The following TMCC1 variants were observed in gnomAD, a reference collection of about 807,000 sequenced individuals.
The protein encoded by TMCC1 is transmembrane and coiled-coil domains protein 1.
Under a neutral mutation model 52.4 loss-of-function variants are expected in TMCC1, and 15 were observed. The ratio of observed to expected loss-of-function variants is 0.29; its 90% CI spans 0.19 to 0.44. The LOEUF (loss-of-function observed/expected upper bound fraction) is 0.44, where lower values mean the gene tolerates loss of function less well. Among genes scored for constraint, TMCC1 ranks in the 20% least tolerant of loss-of-function variants. TMCC1 has a pLI of 1.00. For synonymous variants in TMCC1, 279 were observed against 301.9 expected, an observed-to-expected ratio of 0.92 and a Z score of 0.79; for missense variants, 503 against 806.0, an observed-to-expected ratio of 0.62 and a Z score of 4.55.
intron 4 of TMCC1, among the ~76,000 whole-genome samples, chr3:129,803,616 C>A (rs911876719): frequency 2.0e-5 from 3 of 152,104 alleles, no homozygotes; most frequent in Non-Finnish European, 4.4e-5. Flanking sequence ...CCTTTTCTTG[C>A]CTTTAGGCAT....
chr3:129,685,174 G>A (rs2089308159), intron 4 of TMCC1, among the ~76,000 whole-genome samples: 1 of 152,098 alleles, frequency 6.6e-6, no homozygotes, highest in African/African-American at 2.4e-5. Context: ...GAGGACAGGA[G>A]TTTAAGACCA....
chr3:129,801,207 G>A (rs979735743), intron 4 of TMCC1, among the ~76,000 whole-genome samples: 2 of 151,994 alleles, frequency 1.3e-5, no homozygotes, highest in African/African-American at 2.4e-5. Context: ...GATTACAGGC[G>A]TGAGCCACCA....
chr3:129,857,359 T>C (rs2060187168), intron 2 of TMCC1: 1 of 152,198 alleles, frequency 6.6e-6, no homozygotes, highest in Admixed American at 6.5e-5. Context: ...AGTCCAGTGA[T>C]GGCAGGCTGG....
At chr3:129,809,246 CAA>C (rs11418962) in intron 4 of TMCC1, among the ~76,000 whole-genome samples, 120 of 91,384 alleles carry the variant, frequency 1.3e-3, no homozygotes, top group African/African-American at 5.6e-3. Flanking sequence ...GATTCCATCT[CAA>C]AAAAAAAAAA....
chr3:129,705,299 T>C (rs775171832), intron 4 of TMCC1, among the ~76,000 whole-genome samples: 3 of 152,182 alleles, frequency 2.0e-5, no homozygotes, highest in Non-Finnish European at 4.4e-5. Context: ...TTGGCCACTA[T>C]GGCATCCATG....
chr3:129,759,754 T>C (rs1159342063), intron 4 of TMCC1, among the ~76,000 whole-genome samples: 2 of 131,680 alleles, frequency 1.5e-5, no homozygotes, highest in African/African-American at 5.8e-5. Flanking sequence ...CGGAGTGTCG[T>C]TCTGTCACCC....
chr3:129,758,755 T>A (rs1303327292), intron 4 of TMCC1, among the ~76,000 whole-genome samples: 1 of 152,218 alleles, frequency 6.6e-6, no homozygotes, highest in Admixed American at 6.5e-5. Flanking sequence ...TATATTCACA[T>A]TGTGCAAACA....
intron 4 of TMCC1, among the ~76,000 whole-genome samples, chr3:129,761,136 T>A (rs1452090485): frequency 4.9e-4 from 74 of 151,586 alleles, no homozygotes; most frequent in Non-Finnish European, 1.0e-4. Flanking sequence ...CCATCCTGGC[T>A]AACACGGTGA....
intron 2 of TMCC1, among the ~76,000 whole-genome samples, chr3:129,877,947 G>GTTTTTA (rs1234882638): frequency 1.4e-5 from 2 of 146,762 alleles, no homozygotes; most frequent in African/African-American, 2.5e-5. Context: ...TTTTTTTAAT[G>GTTTTTA]TTTTTATTTT....
At chr3:129,725,769 T>C (rs1440673853) in intron 4 of TMCC1, among the ~76,000 whole-genome samples, 1 of 152,126 alleles carries the variant, frequency 6.6e-6, no homozygotes, top group African/African-American at 2.4e-5. Flanking sequence ...CCCAGAATGG[T>C]GGTTATTACC....
intron 4 of TMCC1, among the ~76,000 whole-genome samples, chr3:129,682,189 G>T (rs1487966658): frequency 6.6e-6 from 1 of 152,030 alleles, no homozygotes; most frequent in Non-Finnish European, 1.5e-5. Flanking sequence ...GGCTATTCAT[G>T]GGCGTGATCA....
At chr3:129,876,781 C>T (rs1023241910) in intron 2 of TMCC1, among the ~76,000 whole-genome samples, 4 of 151,916 alleles carry the variant, frequency 2.6e-5, no homozygotes, top group Non-Finnish European at 5.9e-5. Flanking sequence ...GGTGAAACTC[C>T]GTCTCTACTA....
At chr3:129,684,375 T>C (rs1241040935) in intron 4 of TMCC1, among the ~76,000 whole-genome samples, 1 of 152,244 alleles carries the variant, frequency 6.6e-6, no homozygotes, top group East Asian at 1.9e-4. Context: ...ATAATTTGTT[T>C]ATGCATTTCT....
chr3:129,884,508 T>C (rs2061602891), intron 1 of TMCC1, among the ~76,000 whole-genome samples: 1 of 152,058 alleles, frequency 6.6e-6, no homozygotes, highest in African/African-American at 2.4e-5. Flanking sequence ...TCCAACATGC[T>C]TGTCTTCCAC....
chr3:129,859,487 A>C (rs1319912405), intron 2 of TMCC1, among the ~76,000 whole-genome samples: 1 of 151,942 alleles, frequency 6.6e-6, no homozygotes, highest in Admixed American at 6.6e-5. Flanking sequence ...GAATACAACA[A>C]TTAGGTGGGC....
chr3:129,842,622 T>C (rs571570787), intron 2 of TMCC1, among the ~76,000 whole-genome samples: 4 of 152,228 alleles, frequency 2.6e-5, no homozygotes, highest in Middle Eastern at 3.4e-3. Context: ...CAAGTACACA[T>C]AGGACATTCA....
At chr3:129,678,338 T>G (rs1019962647) in intron 4 of TMCC1, among the ~76,000 whole-genome samples, 6 of 150,024 alleles carry the variant, frequency 4.0e-5, no homozygotes, top group Non-Finnish European at 7.4e-5. Flanking sequence ...TCTAAACCCT[T>G]GGCATGTACA....
intron 5 of TMCC1, among the ~76,000 whole-genome samples, chr3:129,664,006 C>G (rs2087251270): frequency 6.6e-6 from 1 of 152,176 alleles, no homozygotes; most frequent in Non-Finnish European, 1.5e-5. Flanking sequence ...TTTGTCCACT[C>G]CAAGGAATAA....
At chr3:129,888,515 T>G (rs1259481596) in intron 1 of TMCC1, among the ~76,000 whole-genome samples, 3 of 151,894 alleles carry the variant, frequency 2.0e-5, no homozygotes, top group African/African-American at 7.3e-5. Context: ...GAGCAGAAAA[T>G]ATACAAGATG....
Sources: gnomAD v4.1 joint callset for allele counts (sites outside exome capture counted in the v4.1 genomes callset) on GRCh38, gnomAD v4.1.1 for gene constraint, MANE v1.5 for transcripts, NCBI Gene and HGNC (gene_info 2026-07-23, HGNC 2026-07-21) for gene names.